Variants in RPS6KA5 observed in about 807,000 individuals in gnomAD.
RPS6KA5 encodes the protein ribosomal protein S6 kinase A5.
In RPS6KA5, 27 loss-of-function variants were observed where a neutral mutation model predicts 85.5. That is an observed-to-expected ratio of 0.32 (90% CI 0.23 to 0.44). The LOEUF is 0.44. Ranked by LOEUF, RPS6KA5 falls within the 20% of genes least tolerant of loss-of-function variation. The pLI is 1.00. For synonymous variants in RPS6KA5, 334 were observed against 348.2 expected, an observed-to-expected ratio of 0.96 and a Z score of 0.46; for missense variants, 811 against 980.9, an observed-to-expected ratio of 0.83 and a Z score of 2.31.
At chr14:90,915,841 TATAAA>T (rs1224862734) in intron 7 of RPS6KA5, among the ~76,000 whole-genome samples, 1 of 151,238 alleles carries the variant, frequency 6.6e-6, no homozygotes, top group East Asian at 1.9e-4. Context: ...AAAATAAATT[TATAAA>T]ATAAAAGCTA....
chr14:90,895,166 C>T (rs919686708), intron 12 of RPS6KA5, among the ~76,000 whole-genome samples: 11 of 6,948 alleles, frequency 1.6e-3, no homozygotes, highest in African/African-American at 0.013. Context: ...CCTGGCACAC[C>T]CATCCAAGGC....
rs1244379685 is a variant in RPS6KA5 at position 90,862,296 on chromosome 14, C to G, written c.*9778G>C. The G allele has an allele frequency of 6.6e-6, 1 of 152,092 alleles. No homozygotes were observed. The highest frequency in any genetic ancestry group is 1.9e-4 in the East Asian group (1 of 5,190). 9.4% of individuals were successfully genotyped at this position (152,092 alleles called of 1,614,324 possible). A position where few individuals can be genotyped will look rare whatever the true frequency, so the allele number is the denominator to read the frequency against. On this transcript the variant is annotated 3_prime_UTR_variant, in exon 17 of 17. Coordinates refer to ENST00000614987, the MANE Select transcript of RPS6KA5 (RefSeq NM_004755.4). Reference sequence around the variant, plus strand: ...TTATTTTAAACAGGAGGAATAATATCAGGTGCAAACTCTTCCAGAGTGTAG... The same window carrying G: ...TTATTTTAAACAGGAGGAATAATATGAGGTGCAAACTCTTCCAGAGTGTAG...
intron 2 of RPS6KA5, among the ~76,000 whole-genome samples, chr14:90,997,854 T>C (rs1010422654): frequency 6.6e-6 from 1 of 151,392 alleles, no homozygotes; most frequent in Non-Finnish European, 1.5e-5. Context: ...CTATTAAAAA[T>C]ACAAAAAAAT....
chr14:90,923,200 GAACA>G lies in RPS6KA5; in HGVS notation c.619-8_619-5del. The G allele has an allele frequency of 1.2e-6, 2 of 1,607,920 alleles. No homozygotes were observed. The highest frequency in any genetic ancestry group is 1.1e-5 in the South Asian group (1 of 90,920). Reference sequence around the variant, plus strand: ...AAAAGGAATATGCTCTTTCAGTCTTGAACAAACAAACAAAAAAGGGATTTGATTT... The same window carrying G: ...AAAAGGAATATGCTCTTTCAGTCTTGAACAAACAAAAAAGGGATTTGATTT... On this transcript the variant is annotated splice_region_variant and splice_polypyrimidine_tract_variant and intron_variant, in intron 5 of 16. Coordinates refer to ENST00000614987, the MANE Select transcript of RPS6KA5 (RefSeq NM_004755.4).
At chr14:90,933,194 C>A (rs550781513) in intron 5 of RPS6KA5, among the ~76,000 whole-genome samples, 1 of 152,320 alleles carries the variant, frequency 6.6e-6, no homozygotes, top group South Asian at 2.1e-4. Flanking sequence ...CTGAGACAAT[C>A]CACCTTGTTT....
intron 3 of RPS6KA5, among the ~76,000 whole-genome samples, chr14:90,974,061 A>AAAAT (rs2039451609): frequency 6.7e-6 from 1 of 148,710 alleles, no homozygotes; most frequent in African/African-American, 2.5e-5. Flanking sequence ...AAAAAAAAAT[A>AAAAT]GTGTCCAAAC....
chr14:90,999,426 C>T (rs981220792), intron 2 of RPS6KA5, among the ~76,000 whole-genome samples: 7 of 151,960 alleles, frequency 4.6e-5, no homozygotes, highest in Non-Finnish European at 8.8e-5. Context: ...TAAACTGCAG[C>T]GGGGAAGAAA....
At chr14:91,060,250 C>A (rs1260756036) in intron 1 of RPS6KA5, 82 bp downstream of exon 1, 1 of 980,566 alleles carries the variant, frequency 1.0e-6, no homozygotes, top group East Asian at 1.1e-4. Flanking sequence ...CGGCCCCGCG[C>A]CCCCAGCCCC....
chr14:90,878,947 T>G (rs2033651767), intron 14 of RPS6KA5, among the ~76,000 whole-genome samples: 1 of 152,224 alleles, frequency 6.6e-6, no homozygotes, highest in Non-Finnish European at 1.5e-5. Flanking sequence ...CTGATTGTAC[T>G]ACAGGTATCT....
intron 1 of RPS6KA5, chr14:91,059,935 C>A (rs2043565122): frequency 5.7e-6 from 4 of 707,542 alleles, no homozygotes; most frequent in Non-Finnish European, 6.9e-6. Context: ...GAGGGAGACA[C>A]TCTCCAAAAC....
chr14:91,046,001 G>A (rs1218398134), intron 1 of RPS6KA5, among the ~76,000 whole-genome samples: 2 of 152,000 alleles, frequency 1.3e-5, no homozygotes, highest in East Asian at 3.8e-4. Flanking sequence ...TTGTTTCCCC[G>A]CTCTTCACCC....
chr14:90,954,366 C>T (rs1167197281), intron 3 of RPS6KA5, among the ~76,000 whole-genome samples: 1 of 152,094 alleles, frequency 6.6e-6, no homozygotes, highest in Non-Finnish European at 1.5e-5. Flanking sequence ...ACTAGTGAAG[C>T]CATCTGGGGC....
At chr14:91,044,265 GA>G (rs1426736160) in intron 1 of RPS6KA5, among the ~76,000 whole-genome samples, 1 of 12,776 alleles carries the variant, frequency 7.8e-5, no homozygotes. Context: ...GAGAGAGGGA[GA>G]GAGAGAGAAA....
chr14:91,023,575 G>C (rs1289950408), intron 1 of RPS6KA5, among the ~76,000 whole-genome samples: 2 of 152,012 alleles, frequency 1.3e-5, no homozygotes, highest in Non-Finnish European at 1.5e-5. Context: ...ATGAGCCACC[G>C]TGCCCAACCT....
At chr14:91,020,534 C>CTCTGTGTGTGTG (rs1491262892) in intron 1 of RPS6KA5, among the ~76,000 whole-genome samples, 1 of 109,998 alleles carries the variant, frequency 9.1e-6, no homozygotes, top group Non-Finnish European at 1.8e-5. Context: ...TAAGGAATGA[C>CTCTGTGTGTGTG]TGTGTGTGTG....
chr14:90,995,508 C>A (rs572039333), intron 2 of RPS6KA5, among the ~76,000 whole-genome samples: 1 of 152,094 alleles, frequency 6.6e-6, no homozygotes, highest in African/African-American at 2.4e-5. Flanking sequence ...CCTTCTCTAC[C>A]GCTTGAGTGC....
At chr14:91,005,137 C>A (rs149768375) in intron 1 of RPS6KA5, among the ~76,000 whole-genome samples, 1 of 152,272 alleles carries the variant, frequency 6.6e-6, no homozygotes, top group African/African-American at 2.4e-5. Context: ...CCTAGAATTT[C>A]ATATAAATGA....
In RPS6KA5 at chr14:90,962,667, G is replaced by C. The variant is rs576082390; in HGVS notation, c.395-15117C>G. On this transcript the variant is annotated intron_variant, in intron 3 of 16. Transcript: ENST00000614987. Reference sequence around the variant, plus strand: ...AGTATGAACCCTGGGCGGTTTTCTCGAAAAAAGTACTGTACCTTTAACGTA... The same window carrying C: ...AGTATGAACCCTGGGCGGTTTTCTCCAAAAAAGTACTGTACCTTTAACGTA... 3.2e-4 allele frequency among the ~76,000 whole-genome samples: 48 copies of C among 151,542 alleles called. 1 individual carries two copies. In the East Asian group the frequency reaches 3.7e-3, roughly 12 times the overall value.
At chr14:90,926,643 G>A (rs1376695914) in intron 5 of RPS6KA5, among the ~76,000 whole-genome samples, 1 of 143,804 alleles carries the variant, frequency 7.0e-6, no homozygotes, top group African/African-American at 2.7e-5. Flanking sequence ...ATATATGTAT[G>A]TGTATATATA....
Sources: gnomAD v4.1 joint callset for allele counts (sites outside exome capture counted in the v4.1 genomes callset) on GRCh38, gnomAD v4.1.1 for gene constraint, MANE v1.5 for transcripts, NCBI Gene and HGNC (gene_info 2026-07-23, HGNC 2026-07-21) for gene names.